The following RGPD3 variants were observed in gnomAD, a reference collection of about 807,000 sequenced individuals.
The protein encoded by RGPD3 is RANBP2 like and GRIP domain containing 3.
In RGPD3, 62 loss-of-function variants were observed where a neutral mutation model predicts 154.5. The observed-to-expected ratio is 0.40, with a 90% CI of 0.33 to 0.50. The LOEUF (loss-of-function observed/expected upper bound fraction) is 0.50. Ranked by LOEUF, RGPD3 falls within the 20% of genes least tolerant of loss-of-function variation. The pLI is 0.59. For synonymous variants in RGPD3, 308 were observed against 607.0 expected (o/e 0.51, Z 7.24); for missense variants, 919 against 1,716.8 (o/e 0.54, Z 8.21).
At chr2:106,438,300 C>T (rs555980476) in intron 9 of RGPD3, among the ~76,000 whole-genome samples, 5,413 of 151,408 alleles carry the variant, frequency 0.036, 144 homozygotes, top group Non-Finnish European at 0.057. Context: ...GCCTGGGCAA[C>T]AAAGGGAGAC....
At chr2:106,442,421 G>T (rs1677776181) in intron 7 of RGPD3, among the ~76,000 whole-genome samples, 1 of 120,156 alleles carries the variant, frequency 8.3e-6, no homozygotes, top group Admixed American at 8.6e-5. Context: ...CATTTTCAGA[G>T]TATGGATAAT....
intron 21 of RGPD3, among the ~76,000 whole-genome samples, 154 bp from the exon 22 acceptor site, chr2:106,413,439 C>CA (rs1288780797): frequency 7.2e-5 from 11 of 151,754 alleles, no homozygotes; most frequent in Non-Finnish European, 1.3e-4. Context: ...ACAGCAGCTG[C>CA]ATGTGAAGCA....
At chr2:106,467,680 G>A (rs556266831) in intron 1 of RGPD3, among the ~76,000 whole-genome samples, 28 of 140,560 alleles carry the variant, frequency 2.0e-4, no homozygotes, top group African/African-American at 7.1e-4. Flanking sequence ...GAGCCATGAC[G>A]CCTGAGCCAT....
intron 1 of RGPD3, among the ~76,000 whole-genome samples, chr2:106,466,367 G>C (rs1157047559): frequency 5.4e-5 from 8 of 148,198 alleles, no homozygotes; most frequent in South Asian, 2.1e-4. Flanking sequence ...GGCCGCCGCC[G>C]GGCCGGGTCC....
In RGPD3 at chr2:106,468,235, G is replaced by C. The variant is rs763577535; in HGVS notation, c.54C>G (p.Ser18=). The C allele has an allele frequency of 1.2e-6, 2 of 1,607,156 alleles. No homozygotes were observed. The highest frequency in any genetic ancestry group is 1.7e-6 in the Non-Finnish European group (2 of 1,177,952). Residue 18 remains serine, a synonymous_variant, in exon 1 of 23, where the codon TCC becomes TCG. Transcript: ENST00000409886. The stretch of plus-strand genomic sequence containing the variant: ...CACTCACCTTTCGAGGCGACGGGGC[G>C]GAGCCCTGCACCGAGGCGACGTACC... The part of the protein sequence containing the change: ...GERYVASVQG[S]APSPRKKSTR...
intron 8 of RGPD3, 140 bp downstream of exon 8, chr2:106,441,153 C>G (rs1304453503): frequency 1.1e-6 from 1 of 909,858 alleles, no homozygotes; most frequent in African/African-American, 1.7e-5. Context: ...TCTTCCATAC[C>G]TATTGCTCTT....
chr2:106,404,986 G>A lies in RGPD3; in HGVS notation c.*233C>T, dbSNP rs1676462202. ...TGGCCTGGTATCAACACTTCAAGCT[G>A]TTGTACTTTTACTTCAAGTTGAAAC... is the stretch of plus-strand genomic sequence containing the variant. On this transcript the variant is annotated 3_prime_UTR_variant, in exon 23 of 23. Coordinates refer to ENST00000409886, the MANE Select transcript of RGPD3 (RefSeq NM_001144013.2). The A allele has an allele frequency of 1.6e-6, 1 of 637,284 alleles. No individual in the cohort carries two copies. The highest frequency in any genetic ancestry group is 1.9e-5 in the African/African-American group (1 of 53,826). 39.5% of individuals were successfully genotyped at this position (637,284 alleles called of 1,614,324 possible).
rs1372273232 is a variant in RGPD3 at position 106,464,509 on chromosome 2, A to G, written c.72+3708T>C. On this transcript the variant is annotated intron_variant, in intron 1 of 22. Coordinates refer to ENST00000409886, the MANE Select transcript of RGPD3 (RefSeq NM_001144013.2). ...TGCCTGTAGTCCTAAGTACTCAGGA[A>G]ACAGAGGTAGGAGGATCATTTATGC... Among the ~76,000 whole-genome samples, 163 of 151,486 alleles carry G rather than the reference A, an allele frequency of 1.1e-3. 1 individual carries two copies. Among genetic ancestry groups the G allele is most frequent in the East Asian group, 3.1e-3 (16 of 5,134 alleles).
chr2:106,449,434 C>G (rs1678040061), intron 6 of RGPD3, among the ~76,000 whole-genome samples: 1 of 126,368 alleles, frequency 7.9e-6, no homozygotes, highest in Non-Finnish European at 1.6e-5. Flanking sequence ...CTGTTGCACT[C>G]TAGCCTGGGC....
At chr2:106,470,067 A>T (rs1357910020), upstream of RGPD3, among the ~76,000 whole-genome samples, 1 of 152,206 alleles carries the variant, frequency 6.6e-6, no homozygotes, top group Non-Finnish European at 1.5e-5. Context: ...AAAAAGAATC[A>T]TAGTACTCTC....
chr2:106,415,924 T>C lies in RGPD3; in HGVS notation c.4990A>G (p.Lys1664Glu), dbSNP rs894605454. ...AGGCCGTTTAAGTGATCTGCACTTT[T>C]TGTGGTGGAACTGAGCTTCTGAACC... ...ELVQKLSSTT[K>E]SADHLNGLLR... Residue 1664 changes from lysine to glutamate, a missense_variant, in exon 21 of 23, where the codon AAA becomes GAA. Physicochemically the swap from Lys to Glu is moderately conservative, Grantham distance 56 (BLOSUM62 1). Transcript: ENST00000409886. The C allele has an allele frequency of 2.5e-6, 4 of 1,611,870 alleles. No individual in the cohort carries two copies. Among genetic ancestry groups the C allele is most frequent in the Non-Finnish European group, 3.4e-6 (4 of 1,179,842 alleles).
chr2:106,464,480 T>C (rs1678503483), intron 1 of RGPD3, among the ~76,000 whole-genome samples: 1 of 151,316 alleles, frequency 6.6e-6, no homozygotes. Flanking sequence ...CTGTCAAAGG[T>C]GCCTGCCTGT....
At position 106,424,052 on chromosome 2, in the gene RGPD3, A is replaced by C; in HGVS notation, c.3915T>G (p.Ser1305=). ...TCCCACTCTGATTCAACTTGGCAGG[A>C]GACTTAGATAGACTCAAAGCAGATT... ...SFKSALSLSK[S]PAKLNQSGTS... The change falls in exon 20 of 23, where the codon TCT becomes TCG. Residue 1305 remains serine, a synonymous_variant. Transcript: ENST00000409886. The C allele has an allele frequency of 6.2e-7, 1 of 1,611,632 alleles. No homozygotes were observed. Among genetic ancestry groups the C allele is most frequent in the Non-Finnish European group, 8.5e-7 (1 of 1,179,820 alleles).
intron 17 of RGPD3, among the ~76,000 whole-genome samples, chr2:106,432,440 G>A (rs1180444716): frequency 2.1e-5 from 3 of 144,742 alleles, no homozygotes; most frequent in Non-Finnish European, 4.6e-5. Flanking sequence ...GCAACAGAGC[G>A]AGCCTCTGTC....
chr2:106,469,114 C>T (rs1678746172), upstream of RGPD3, among the ~76,000 whole-genome samples: 2 of 126,014 alleles, frequency 1.6e-5, no homozygotes, highest in Non-Finnish European at 3.3e-5. Context: ...TTATATATCT[C>T]TAAGTGAATA....
rs1471776436 is a variant in RGPD3, at chr2:106,410,484, T to C, written c.5266+2600A>G. 9.2e-5 allele frequency among the ~76,000 whole-genome samples: 14 copies of C among 152,300 alleles called. No individual in the cohort carries two copies. The East Asian group carries it at 1.9e-3, about 21-fold the overall frequency. ...TCTAAATCAATGGACCCTTAACTTA[T>C]AGGAGCCACCTGGACGTTAGCAACA... On this transcript the variant is annotated intron_variant, in intron 22 of 22. Coordinates refer to ENST00000409886, the MANE Select transcript of RGPD3 (RefSeq NM_001144013.2).
intron 7 of RGPD3, among the ~76,000 whole-genome samples, chr2:106,441,907 A>G (rs1677756848): frequency 7.3e-6 from 1 of 136,366 alleles, no homozygotes; most frequent in Non-Finnish European, 1.6e-5. Context: ...GGGGCCAGAC[A>G]TGTTGGCTCA....
intron 21 of RGPD3, among the ~76,000 whole-genome samples, 176 bp downstream of exon 21, chr2:106,415,674 C>CAAAAAAAAAAA (rs879163469): frequency 4.5e-5 from 2 of 44,748 alleles, no homozygotes; most frequent in African/African-American, 2.1e-4. Context: ...AAGACTGTCT[C>CAAAAAAAAAAA]AAAAAAAAAA....
chr2:106,445,265 G>C (rs1412529116), intron 7 of RGPD3, among the ~76,000 whole-genome samples: 8 of 149,732 alleles, frequency 5.3e-5, no homozygotes. Flanking sequence ...CTCCAGCCTG[G>C]GCGACAGAGT....
Sources: gnomAD v4.1 joint callset for allele counts (sites outside exome capture counted in the v4.1 genomes callset) on GRCh38, gnomAD v4.1.1 for gene constraint, MANE v1.5 for transcripts, NCBI Gene and HGNC (gene_info 2026-07-23, HGNC 2026-07-21) for gene names.